The following LRGUK variants were observed in gnomAD, a reference collection of about 807,000 sequenced individuals.
LRGUK encodes leucine rich repeats and guanylate kinase domain containing, also known as leucine-rich repeat and guanylate kinase domain-containing protein.
LRGUK carries 65 observed loss-of-function variants against 76.0 expected under a neutral mutation model. The ratio of observed to expected loss-of-function variants is 0.85; its 90% confidence interval spans 0.70 to 1.05. LRGUK has a LOEUF of 1.05. LRGUK is among the 50% of genes least tolerant of loss of function. The pLI is 0.00. For synonymous variants in LRGUK, 268 were observed against 265.6 expected, an observed-to-expected ratio of 1.01 and a Z score of -0.09; for missense variants, 758 against 732.8, an observed-to-expected ratio of 1.03 and a Z score of -0.40.
intron 16 of LRGUK, among the ~76,000 whole-genome samples, chr7:134,231,961 A>T (rs1163590224): frequency 4.8e-5 from 7 of 146,468 alleles, no homozygotes; most frequent in Non-Finnish European, 4.5e-5. Flanking sequence ...CCATTTCCTC[A>T]CTTATTTATT....
chr7:134,172,481 T>C (rs1309227969), intron 7 of LRGUK, among the ~76,000 whole-genome samples: 1 of 152,112 alleles, frequency 6.6e-6, no homozygotes, highest in African/African-American at 2.4e-5. Context: ...TACAAGACGA[T>C]CTCTTTAGTA....
chr7:134,152,453 A>C (rs1313954919), intron 5 of LRGUK, among the ~76,000 whole-genome samples: 1 of 152,090 alleles, frequency 6.6e-6, no homozygotes, highest in East Asian at 1.9e-4. Flanking sequence ...TTTATGGAAA[A>C]TAAATCAGAG....
At chr7:134,214,139 A>G (rs1801368986), downstream of LRGUK, among the ~76,000 whole-genome samples, 1 of 152,264 alleles carries the variant, frequency 6.6e-6, no homozygotes, top group Non-Finnish European at 1.5e-5. Flanking sequence ...TGATTGGGAA[A>G]TTCACAGAAG....
intron 12 of LRGUK, among the ~76,000 whole-genome samples, chr7:134,192,988 C>T (rs1022891032): frequency 6.6e-6 from 1 of 152,150 alleles, no homozygotes; most frequent in African/African-American, 2.4e-5. Context: ...CTGGCTTATT[C>T]TTCATTGTAC....
At chr7:134,245,209 A>G (rs1410135168) in intron 16 of LRGUK, among the ~76,000 whole-genome samples, 3 of 152,190 alleles carry the variant, frequency 2.0e-5, no homozygotes, top group Non-Finnish European at 4.4e-5. Flanking sequence ...AAAAAACAAA[A>G]CAAAAATAAA....
intron 16 of LRGUK, among the ~76,000 whole-genome samples, chr7:134,245,554 G>A (rs1347173446): frequency 6.6e-6 from 1 of 152,114 alleles, no homozygotes; most frequent in Non-Finnish European, 1.5e-5. Context: ...TTCGTTGTAA[G>A]TTTTTTGACA....
intron 16 of LRGUK, among the ~76,000 whole-genome samples, chr7:134,229,974 GT>G (rs1801853017): frequency 6.6e-6 from 1 of 152,038 alleles, no homozygotes; most frequent in African/African-American, 2.4e-5. Context: ...TGATCATGGG[GT>G]CAAGATTTCT....
At chr7:134,227,842 T>A (rs1801800712) in intron 16 of LRGUK, among the ~76,000 whole-genome samples, 1 of 152,094 alleles carries the variant, frequency 6.6e-6, no homozygotes, top group East Asian at 1.9e-4. Context: ...CTTAGAAACA[T>A]AACAAGATGG....
At chr7:134,207,841 G>A (rs1801071109) in intron 15 of LRGUK, among the ~76,000 whole-genome samples, 1 of 152,178 alleles carries the variant, frequency 6.6e-6, no homozygotes, top group Non-Finnish European at 1.5e-5. Context: ...CCTTAGGACT[G>A]GGGTAAGATG....
intron 1 of LRGUK, among the ~76,000 whole-genome samples, chr7:134,133,342 G>A (rs190402727): frequency 4.6e-5 from 7 of 152,036 alleles, no homozygotes; most frequent in African/African-American, 1.4e-4. Flanking sequence ...TCACAATTTG[G>A]GTCTCAATTG....
chr7:134,214,872 A>T (rs1211382919), downstream of LRGUK, among the ~76,000 whole-genome samples: 2 of 152,052 alleles, frequency 1.3e-5, no homozygotes, highest in African/African-American at 4.8e-5. Context: ...ATTTGACATC[A>T]TGAACTTTCT....
chr7:134,148,290 A>T lies in LRGUK; in HGVS notation c.641A>T (p.Tyr214Phe), dbSNP rs541808987. The T allele has an allele frequency of 3.1e-6, 5 of 1,599,532 alleles. No individual in the cohort carries two copies. The African/African-American group carries it at 4.1e-5, about 13-fold the overall frequency. ...TCTGAAATTTGTGATTTGTCAGCGTATCATGCTCTCACTAAACTAATTTTG... is the reference window on the plus strand; with the variant it reads ...TCTGAAATTTGTGATTTGTCAGCGTTTCATGCTCTCACTAAACTAATTTTG... The change falls in exon 5 of 16, where the codon TAT becomes TTT. Residue 214 changes from tyrosine to phenylalanine, a missense_variant. Tyr to Phe is a conservative substitution (Grantham distance 22, BLOSUM62 3). Transcript: ENST00000645682.
chr7:134,241,096 A>G (rs1222589444), intron 16 of LRGUK, among the ~76,000 whole-genome samples: 11 of 152,216 alleles, frequency 7.2e-5, no homozygotes, highest in Admixed American at 7.2e-4. Flanking sequence ...CACTGCAAAA[A>G]CATGCCAAAT....
intron 13 of LRGUK, 119 bp downstream of exon 13, chr7:134,197,224 C>T (rs1377276185): frequency 4.9e-6 from 3 of 617,022 alleles, no homozygotes; most frequent in Admixed American, 2.7e-5. Flanking sequence ...AATTGAGGTA[C>T]ATATATGGGG....
chr7:134,149,107 TTAA>T (rs1457130568), intron 5 of LRGUK, among the ~76,000 whole-genome samples: 5 of 127,132 alleles, frequency 3.9e-5, no homozygotes, highest in African/African-American at 1.4e-4. Flanking sequence ...CTTTCTTTTT[TTAA>T]AAAAAAAAAA....
intron 15 of LRGUK, among the ~76,000 whole-genome samples, chr7:134,204,061 G>C (rs983273394): frequency 6.6e-6 from 1 of 152,162 alleles, no homozygotes; most frequent in East Asian, 1.9e-4. Context: ...TCAGCCTCTT[G>C]TGGGTTTGGA....
chr7:134,245,159 C>G (rs912911643), intron 16 of LRGUK, among the ~76,000 whole-genome samples: 2 of 152,130 alleles, frequency 1.3e-5, no homozygotes, highest in African/African-American at 4.8e-5. Context: ...ACGTTGTGCA[C>G]ATGTACCCTA....
intron 14 of LRGUK, among the ~76,000 whole-genome samples, chr7:134,201,206 C>G (rs1800752043): frequency 6.6e-6 from 1 of 152,138 alleles, no homozygotes; most frequent in African/African-American, 2.4e-5. Context: ...AAAGTCAACC[C>G]GTTAATAACC....
chr7:134,265,409 G>A (rs187970993), downstream of LRGUK, among the ~76,000 whole-genome samples: 49 of 152,234 alleles, frequency 3.2e-4, no homozygotes, highest in Non-Finnish European at 2.1e-4. Flanking sequence ...TAACAACATG[G>A]TGGTGAATCC....
Sources: gnomAD v4.1 joint callset for allele counts (sites outside exome capture counted in the v4.1 genomes callset) on GRCh38, gnomAD v4.1.1 for gene constraint, MANE v1.5 for transcripts, NCBI Gene and HGNC (gene_info 2026-07-23, HGNC 2026-07-21) for gene names.